PFKM: variants seen among roughly 807,000 people sequenced by gnomAD.
The protein encoded by PFKM is ATP-dependent 6-phosphofructokinase, muscle type.
A neutral mutation model predicts 95.5 loss-of-function variants in PFKM; 58 were observed. The ratio of observed to expected loss-of-function variants is 0.61; its 90% CI spans 0.49 to 0.76. PFKM has a LOEUF of 0.76. Ranked by LOEUF, PFKM falls within the 30% of genes least tolerant of loss-of-function variation. PFKM has a pLI of 0.00. For missense variants in PFKM, 678 were observed against 1,005.4 expected, an observed-to-expected ratio of 0.67 and a Z score of 4.40; for synonymous variants, 336 against 357.2, an observed-to-expected ratio of 0.94 and a Z score of 0.67.
intron 2 of PFKM, among the ~76,000 whole-genome samples, chr12:48,124,616 A>G (rs564353656): frequency 7.9e-5 from 12 of 152,214 alleles, no homozygotes; most frequent in Non-Finnish European, 1.8e-4. Context: ...AGTGAAGACC[A>G]TAACTCACTG....
At chr12:48,133,083 G>A in intron 5 of PFKM, 26 bp downstream of exon 5, 1 of 1,603,680 alleles carries the variant, frequency 6.2e-7, no homozygotes, top group Non-Finnish European at 8.5e-7. Flanking sequence ...CATCAGTATT[G>A]CTTATTTGTG....
intron 13 of PFKM, 104 bp from the exon 14 acceptor site, chr12:48,140,618 C>G (rs1950501678): frequency 9.2e-7 from 1 of 1,090,472 alleles, no homozygotes; most frequent in Non-Finnish European, 1.4e-6. Flanking sequence ...ATATCCTGAT[C>G]CCTGGATGAC....
intron 12 of PFKM, 197 bp downstream of exon 12, chr12:48,139,546 G>C (rs1950402241): frequency 1.6e-6 from 1 of 633,812 alleles, no homozygotes; most frequent in African/African-American, 1.8e-5. Flanking sequence ...GTGGTCCCTG[G>C]CATCAACCTT....
At chr12:48,114,445 A>T (rs1947490088), upstream of PFKM, among the ~76,000 whole-genome samples, 1 of 152,156 alleles carries the variant, frequency 6.6e-6, no homozygotes, top group Non-Finnish European at 1.5e-5. Flanking sequence ...CGAAACTGTA[A>T]ACCGGACCGG....
intron 20 of PFKM, among the ~76,000 whole-genome samples, chr12:48,144,682 C>A (rs1950870435): frequency 6.6e-6 from 1 of 152,228 alleles, no homozygotes. Context: ...TTTATGTCAT[C>A]ATTGACAGTG....
chr12:48,135,101 G>A (rs1949949385), intron 9 of PFKM, 63 bp downstream of exon 9: 15 of 1,319,376 alleles, frequency 1.1e-5, no homozygotes, highest in Non-Finnish European at 1.6e-5. Context: ...TGGCTTCTGA[G>A]TCTCCTGACA....
chr12:48,107,281 ATG>A (rs1420162882), intron 1 of PFKM: 2 of 826,690 alleles, frequency 2.4e-6, no homozygotes, highest in Non-Finnish European at 2.1e-6. Context: ...CCAAGTAGTC[ATG>A]AGTGTAGCTG....
intron 7 of PFKM, 34 bp from the exon 8 acceptor site, chr12:48,134,687 A>G (rs760521519): frequency 8.3e-6 from 12 of 1,439,188 alleles, no homozygotes; most frequent in East Asian, 2.3e-5. Context: ...GTAGAGTACA[A>G]CTTCTAGCAG....
intron 2 of PFKM, among the ~76,000 whole-genome samples, chr12:48,128,936 T>A (rs1278405603): frequency 6.6e-6 from 1 of 152,216 alleles, no homozygotes; most frequent in African/African-American, 2.4e-5. Context: ...CTTGTCACAT[T>A]ACATGGTAGG....
At chr12:48,134,440 C>G (rs1388207948) in intron 7 of PFKM, among the ~76,000 whole-genome samples, 164 bp downstream of exon 7, 1 of 152,220 alleles carries the variant, frequency 6.6e-6, no homozygotes, top group Non-Finnish European at 1.5e-5. Flanking sequence ...GTTACATCCC[C>G]ACACATGCAT....
In PFKM at chr12:48,145,339, T is replaced by G; in HGVS notation, c.2198+24T>G. ...GAGTGAGTACATCTGCTTCCTGGAG[T>G]GGTTCTTTTCCCTGGTAGTTTCAAG... is the stretch of plus-strand genomic sequence containing the variant. On this transcript the variant is annotated intron_variant, in intron 22 of 22. Coordinates refer to ENST00000359794, the MANE Select transcript of PFKM (RefSeq NM_000289.6). The surrounding 1 kb of genome is among the most constrained non-coding windows in gnomAD (Gnocchi z 4.3). 1.3e-6 allele frequency: 2 copies of G among 1,578,114 alleles called. No homozygotes were observed. The highest frequency in any genetic ancestry group is 1.7e-6 in the Non-Finnish European group (2 of 1,147,498).
chr12:48,141,233 C>A, intron 14 of PFKM, 78 bp from the exon 15 acceptor site: 1 of 1,349,734 alleles, frequency 7.4e-7, no homozygotes, highest in Non-Finnish European at 1.1e-6. Context: ...AGGGTTAGAA[C>A]TCAAGCAGTG....
At chr12:48,127,715 T>G (rs574100329) in intron 2 of PFKM, among the ~76,000 whole-genome samples, 1 of 152,354 alleles carries the variant, frequency 6.6e-6, no homozygotes, top group South Asian at 2.1e-4. Flanking sequence ...GTTATCTTTC[T>G]GAGATACAGA....
chr12:48,113,591 T>G (rs1947398061), intron 3 of PFKM, among the ~76,000 whole-genome samples: 1 of 152,156 alleles, frequency 6.6e-6, no homozygotes, highest in Admixed American at 6.5e-5. Flanking sequence ...TTCCGACACT[T>G]GAAGCAAGAT....
intron 1 of PFKM, among the ~76,000 whole-genome samples, chr12:48,121,220 A>C (rs1948224448): frequency 6.6e-6 from 1 of 152,242 alleles, no homozygotes; most frequent in South Asian, 2.1e-4. Context: ...AATCTGTGGA[A>C]AGGGCCAGGG....
chr12:48,134,488 T>C (rs1361292285), intron 7 of PFKM, among the ~76,000 whole-genome samples: 1 of 151,754 alleles, frequency 6.6e-6, no homozygotes, highest in Non-Finnish European at 1.5e-5. Context: ...GTGTAAAGAG[T>C]GGGTAGTGCT....
rs180732328 is a variant in PFKM, at chr12:48,124,651, T to G, written c.85+1792T>G. On this transcript the variant is annotated intron_variant, in intron 2 of 22. Coordinates refer to ENST00000359794, the MANE Select transcript of PFKM (RefSeq NM_000289.6). ...GCTGTAAGAAAAAGACCCTGTTTTA[T>G]GGAGGCAGGGACTATAGATAAGCTG... Among the ~76,000 whole-genome samples, 3 of 152,280 alleles carry G rather than the reference T, an allele frequency of 2.0e-5. No homozygotes were observed. The East Asian group carries it at 5.8e-4, about 29-fold the overall frequency.
upstream of PFKM, among the ~76,000 whole-genome samples, chr12:48,116,679 A>G (rs1306214347): frequency 2.0e-5 from 3 of 152,126 alleles, no homozygotes; most frequent in South Asian, 2.1e-4. Context: ...GGGTTTCACC[A>G]TGTTGCCCAG....
intron 8 of PFKM, 50 bp from the exon 9 acceptor site, chr12:48,134,893 C>T (rs765282430): frequency 3.2e-6 from 5 of 1,585,636 alleles, no homozygotes; most frequent in Non-Finnish European, 3.5e-6. Context: ...ATCTCTTTCC[C>T]ACCCATCAGC....
Sources: gnomAD v4.1 joint callset for allele counts (sites outside exome capture counted in the v4.1 genomes callset) on GRCh38, gnomAD v4.1.1 for gene constraint, Gnocchi (gnomAD v3.1) non-coding constraint, MANE v1.5 for transcripts, NCBI Gene and HGNC (gene_info 2026-07-23, HGNC 2026-07-21) for gene names.